The following KCNIP1 variants were observed in gnomAD, a reference collection of about 807,000 sequenced individuals.
KCNIP1 encodes potassium voltage-gated channel interacting protein 1, also known as A-type potassium channel modulatory protein KCNIP1.
A neutral mutation model predicts 33.0 loss-of-function variants in KCNIP1; 18 were observed. That is an observed-to-expected ratio of 0.55 (90% confidence interval 0.38 to 0.81). The LOEUF (loss-of-function observed/expected upper bound fraction) is 0.81. KCNIP1 is among the 30% of genes least tolerant of loss of function. The pLI, the probability that KCNIP1 is intolerant of heterozygous loss-of-function variation, is 0.00. For missense variants in KCNIP1, 238 were observed against 271.6 expected (o/e 0.88, Z 0.87); for synonymous variants, 93 against 98.3 (o/e 0.95, Z 0.32).
At chr5:170,437,863 G>T (rs995583077) in intron 1 of KCNIP1, among the ~76,000 whole-genome samples, 1 of 152,318 alleles carries the variant, frequency 6.6e-6, no homozygotes, top group African/African-American at 2.4e-5. Context: ...GCCCTGAGGT[G>T]ATCTCCTGGG....
chr5:170,504,766 A>C lies in KCNIP1; in HGVS notation c.61+133A>C. ...GAGCCCGGACAGGTGCTTGTATCCAAAGGAGAGAGAAATCGGCGGGAGGGC... is the reference window on the plus strand; with the variant it reads ...GAGCCCGGACAGGTGCTTGTATCCACAGGAGAGAGAAATCGGCGGGAGGGC... On this transcript the variant is annotated intron_variant, in intron 1 of 7. Coordinates refer to ENST00000328939, the MANE Select transcript of KCNIP1 (RefSeq NM_014592.4). The surrounding 1 kb of genome is among the most constrained non-coding windows in gnomAD (Gnocchi z 6.0). 1.3e-6 allele frequency: 1 copy of C among 746,020 alleles called. No homozygotes were observed. Among genetic ancestry groups the C allele is most frequent in the Non-Finnish European group, 2.3e-6 (1 of 440,682 alleles). The allele number at this position is 746,020 out of a possible 1,614,324, so 46.2% of individuals were successfully genotyped here.
chr5:170,572,016 G>T (rs1379575675), intron 1 of KCNIP1, among the ~76,000 whole-genome samples: 1 of 152,082 alleles, frequency 6.6e-6, no homozygotes, highest in Non-Finnish European at 1.5e-5. Flanking sequence ...GCACAGTAAT[G>T]ACAGCCCAAG....
At chr5:170,462,343 G>A (rs1421918482) in intron 1 of KCNIP1, among the ~76,000 whole-genome samples, 1 of 128,326 alleles carries the variant, frequency 7.8e-6, no homozygotes, top group Non-Finnish European at 1.7e-5. Flanking sequence ...ATTCTCAAAA[G>A]AAGATATACA....
At chr5:170,449,726 A>G (rs981105366) in intron 1 of KCNIP1, among the ~76,000 whole-genome samples, 1 of 152,202 alleles carries the variant, frequency 6.6e-6, no homozygotes, top group African/African-American at 2.4e-5. Flanking sequence ...TTGGGATTAG[A>G]AGTAGCAGCA....
chr5:170,635,499 A>G (rs1358550880), intron 1 of KCNIP1, among the ~76,000 whole-genome samples: 3 of 152,142 alleles, frequency 2.0e-5, no homozygotes, highest in African/African-American at 2.4e-5. Flanking sequence ...AGCCCTGTGC[A>G]TGTTGCTGTT....
At chr5:170,678,501 T>C (rs1272629282) in intron 1 of KCNIP1, 1 of 152,232 alleles carries the variant, frequency 6.6e-6, no homozygotes. Context: ...TGTAAGTCTT[T>C]ACACAGTAAC....
chr5:170,684,835 T>C lies in KCNIP1; in HGVS notation c.62-33923T>C, dbSNP rs368834419. On this transcript the variant is annotated intron_variant, in intron 1 of 7. Coordinates refer to ENST00000328939, the MANE Select transcript of KCNIP1 (RefSeq NM_014592.4). ...ATATTTGGTTGGCTATTTTTAGTTCTTCTGCAGATATAGTTACACTTTAAA... is the reference window on the plus strand; with the variant it reads ...ATATTTGGTTGGCTATTTTTAGTTCCTCTGCAGATATAGTTACACTTTAAA... 8.5e-5 allele frequency among the ~76,000 whole-genome samples: 13 copies of C among 152,330 alleles called. No homozygotes were observed. The East Asian group carries it at 1.7e-3, about 20-fold the overall frequency.
intron 1 of KCNIP1, among the ~76,000 whole-genome samples, chr5:170,437,368 C>A (rs944657923): frequency 1.3e-5 from 2 of 152,216 alleles, no homozygotes; most frequent in Non-Finnish European, 2.9e-5. Flanking sequence ...AGATCTGGGA[C>A]AGTGTGTCCT....
At chr5:170,367,100 C>T (rs1279231663) in intron 1 of KCNIP1, among the ~76,000 whole-genome samples, 1 of 152,106 alleles carries the variant, frequency 6.6e-6, no homozygotes, top group Non-Finnish European at 1.5e-5. Context: ...AGGTGGATCC[C>T]TTGAGGTCAG....
At chr5:170,696,629 G>A (rs1762904182) in intron 1 of KCNIP1, among the ~76,000 whole-genome samples, 1 of 152,126 alleles carries the variant, frequency 6.6e-6, no homozygotes, top group East Asian at 1.9e-4. Context: ...GCCCCTTGGA[G>A]ATATGTGAGG....
intron 1 of KCNIP1, among the ~76,000 whole-genome samples, chr5:170,637,824 G>A (rs1483666794): frequency 6.6e-6 from 1 of 152,146 alleles, no homozygotes; most frequent in East Asian, 1.9e-4. Flanking sequence ...CGATGCTGGG[G>A]CAGGCCGACT....
At chr5:170,684,128 C>G (rs1387235217) in intron 1 of KCNIP1, among the ~76,000 whole-genome samples, 1 of 152,178 alleles carries the variant, frequency 6.6e-6, no homozygotes, top group Non-Finnish European at 1.5e-5. Flanking sequence ...GGTTGCAATT[C>G]TGGTTGTGCC....
At chr5:170,608,667 G>A (rs1238158486) in intron 1 of KCNIP1, among the ~76,000 whole-genome samples, 1 of 152,080 alleles carries the variant, frequency 6.6e-6, no homozygotes, top group African/African-American at 2.4e-5. Flanking sequence ...AGCGACTCGG[G>A]AGGCTGAGGT....
intron 1 of KCNIP1, among the ~76,000 whole-genome samples, chr5:170,684,671 C>G (rs901406567): frequency 6.6e-6 from 1 of 152,138 alleles, no homozygotes; most frequent in Non-Finnish European, 1.5e-5. Flanking sequence ...GCAGCCTTGA[C>G]CTCCCACCAG....
At chr5:170,359,536 C>G (rs2113284224) in intron 1 of KCNIP1, among the ~76,000 whole-genome samples, 1 of 152,306 alleles carries the variant, frequency 6.6e-6, no homozygotes, top group Admixed American at 6.5e-5. Flanking sequence ...AGCAAGCACT[C>G]TGGTCATGTT....
chr5:170,550,606 G>T (rs1030401999), intron 1 of KCNIP1, among the ~76,000 whole-genome samples: 1 of 150,074 alleles, frequency 6.7e-6, no homozygotes, highest in Admixed American at 6.6e-5. Context: ...GATGATGATG[G>T]TGATGACAAT....
chr5:170,534,653 G>A (rs1197495729), intron 1 of KCNIP1, among the ~76,000 whole-genome samples: 1 of 151,890 alleles, frequency 6.6e-6, no homozygotes, highest in African/African-American at 2.4e-5. Flanking sequence ...CAAGTAGCTG[G>A]GACCACAGGC....
chr5:170,468,811 A>T (rs776857061), intron 1 of KCNIP1, among the ~76,000 whole-genome samples: 1 of 152,056 alleles, frequency 6.6e-6, no homozygotes, highest in Non-Finnish European at 1.5e-5. Context: ...CAGGAGGTGG[A>T]GGGTGCAGTG....
At position 170,504,695 on chromosome 5, in the gene KCNIP1, G is replaced by A. The variant is rs1180484879; in HGVS notation, c.61+62G>A. 7.1e-7 allele frequency: 1 copy of A among 1,412,912 alleles called. No homozygotes were observed. The highest frequency in any genetic ancestry group is 1.0e-6 in the Non-Finnish European group (1 of 998,106). 87.5% of individuals were successfully genotyped at this position (1,412,912 alleles called of 1,614,324 possible). A position where few individuals can be genotyped will look rare whatever the true frequency, so the allele number is the denominator to read the frequency against. ...CTTGGGGGTGCTAGGCGCCGAGGTG[G>A]GCTGTGCCACCTGCCTCCCTTAGTC... On this transcript the variant is annotated intron_variant, in intron 1 of 7. Transcript: ENST00000328939. This position sits in a 1 kb window ranked among gnomAD's most constrained non-coding sequence, Gnocchi z 6.0.
Sources: allele counts gnomAD v4.1 joint callset (sites outside exome capture counted in the v4.1 genomes callset), GRCh38; gene constraint gnomAD v4.1.1; non-coding constraint Gnocchi (gnomAD v3.1); transcripts MANE v1.5; gene names NCBI Gene and HGNC (gene_info 2026-07-23, HGNC 2026-07-21).